Variants in SLC8A1 observed in about 807,000 individuals in gnomAD.
SLC8A1 encodes the protein sodium/calcium exchanger 1.
A neutral mutation model predicts 68.3 loss-of-function variants in SLC8A1; 18 were observed. That is an observed-to-expected ratio of 0.26 (90% CI 0.18 to 0.39). The LOEUF (loss-of-function observed/expected upper bound fraction) is 0.39, where lower values mean the gene tolerates loss of function less well. Ranked by LOEUF, SLC8A1 falls within the 10% of genes least tolerant of loss-of-function variation. SLC8A1 has a pLI of 1.00. For missense variants in SLC8A1, 985 were observed against 1,156.7 expected (o/e 0.85, Z 2.15); for synonymous variants, 475 against 415.5 (o/e 1.14, Z -1.74).
chr2:40,172,457 A>T (rs1252019050), intron 4 of SLC8A1, among the ~76,000 whole-genome samples: 1 of 152,168 alleles, frequency 6.6e-6, no homozygotes, highest in Non-Finnish European at 1.5e-5. Context: ...ACATGAAATG[A>T]TAGAAACCTT....
intron 2 of SLC8A1, among the ~76,000 whole-genome samples, chr2:40,200,169 C>G (rs1221315484): frequency 2.1e-5 from 1 of 47,014 alleles, no homozygotes; most frequent in African/African-American, 9.1e-5. Flanking sequence ...GATTTCAAGT[C>G]ATTGATATAT....
At chr2:40,435,873 T>A (rs577559433) in intron 1 of SLC8A1, among the ~76,000 whole-genome samples, 1 of 152,034 alleles carries the variant, frequency 6.6e-6, no homozygotes, top group Non-Finnish European at 1.5e-5. Context: ...CCTTCTGGAT[T>A]CAAGCAATTC....
At chr2:40,285,665 C>T (rs569589347) in intron 2 of SLC8A1, among the ~76,000 whole-genome samples, 151 of 152,232 alleles carry the variant, frequency 9.9e-4, no homozygotes, top group African/African-American at 3.5e-3. Flanking sequence ...GTTAATTACT[C>T]TCTTGGTGAA....
chr2:40,446,285 A>G (rs1701427794), intron 1 of SLC8A1: 3 of 152,278 alleles, frequency 2.0e-5, no homozygotes. Flanking sequence ...GGTTTCAAGT[A>G]TAAAATGCAT....
At chr2:40,383,833 G>T (rs1234682020) in intron 2 of SLC8A1, among the ~76,000 whole-genome samples, 2 of 152,064 alleles carry the variant, frequency 1.3e-5, no homozygotes, top group East Asian at 3.9e-4. Context: ...ATAATTAATA[G>T]CATCTGTAAA....
intron 7 of SLC8A1, among the ~76,000 whole-genome samples, chr2:40,130,331 C>G (rs566708682): frequency 7.9e-5 from 12 of 152,340 alleles, no homozygotes; most frequent in African/African-American, 2.4e-4. Context: ...GTTTCATTCT[C>G]TCCTCAAAAA....
rs989117531 is a variant in SLC8A1, at chr2:40,128,396, T to C, written c.2437+11005A>G. Among the ~76,000 whole-genome samples, 3 of 152,186 alleles carry C rather than the reference T, an allele frequency of 2.0e-5. No individual in the cohort carries two copies. In the East Asian group the frequency reaches 5.8e-4, roughly 29 times the overall value. Reference sequence around the variant, plus strand: ...GATCATGCACAGAGCCTCTTACCAATAGGCCTTGGTCTCTGTACTCTCTTC... The same window carrying C: ...GATCATGCACAGAGCCTCTTACCAACAGGCCTTGGTCTCTGTACTCTCTTC... On this transcript the variant is annotated intron_variant, in intron 7 of 7. Coordinates refer to ENST00000406785, the Ensembl canonical transcript of SLC8A1.
chr2:40,226,704 G>A (rs1415113626), intron 2 of SLC8A1, among the ~76,000 whole-genome samples: 1 of 152,132 alleles, frequency 6.6e-6, no homozygotes, highest in African/African-American at 2.4e-5. Flanking sequence ...TTTGACTAAT[G>A]TGTACACACT....
intron 1 of SLC8A1, among the ~76,000 whole-genome samples, chr2:40,498,893 A>C (rs1013499442): frequency 2.0e-5 from 3 of 152,098 alleles, no homozygotes; most frequent in African/African-American, 7.2e-5. Context: ...AGAATTACCT[A>C]AAAACTATTT....
At chr2:40,487,289 T>A (rs1035516794) in intron 1 of SLC8A1, among the ~76,000 whole-genome samples, 1 of 152,086 alleles carries the variant, frequency 6.6e-6, no homozygotes, top group Non-Finnish European at 1.5e-5. Flanking sequence ...ATTACTTAGA[T>A]TTTTCTCCTT....
intron 1 of SLC8A1, among the ~76,000 whole-genome samples, chr2:40,462,001 C>CTTTTTTTTTGTTTTTTTTTTTT (rs1703368948): frequency 1.5e-5 from 1 of 66,176 alleles, no homozygotes; most frequent in African/African-American, 6.1e-5. Context: ...TAAAATCCTC[C>CTTTTTTTTTGTTTTTTTTTTTT]TTTTTTTTTT....
chr2:40,200,229 T>TAAATATATATATATAA, intron 2 of SLC8A1, among the ~76,000 whole-genome samples: 1 of 40,106 alleles, frequency 2.5e-5, no homozygotes, highest in Non-Finnish European at 5.5e-5. Flanking sequence ...TTTTTTTATA[T>TAAATATATATATATAA]ATATATATAA....
In SLC8A1 at chr2:40,219,567, C is replaced by T. The variant is rs187150245; in HGVS notation, c.1809-41712G>A. Among the ~76,000 whole-genome samples, 13 of 152,260 alleles carry T rather than the reference C, an allele frequency of 8.5e-5. No homozygotes were observed. The East Asian group carries it at 1.7e-3, about 20-fold the overall frequency. The stretch of plus-strand genomic sequence containing the variant: ...AATATACCCATGTAGTTTCCTTCAG[C>T]GATACTATCTGGTATATAAGAAAAC... On this transcript the variant is annotated intron_variant, in intron 2 of 7. Transcript: ENST00000406785.
At chr2:40,448,769 T>G (rs193258315) in intron 1 of SLC8A1, among the ~76,000 whole-genome samples, 1 of 152,162 alleles carries the variant, frequency 6.6e-6, no homozygotes, top group East Asian at 1.9e-4. Flanking sequence ...GATGAAGGAT[T>G]TAACTACAAG....
chr2:40,483,814 G>A lies in SLC8A1; in HGVS notation c.-25+28535C>T, dbSNP rs114300781. 2.7e-3 allele frequency among the ~76,000 whole-genome samples: 413 copies of A among 152,282 alleles called. 6 individuals are homozygous for A. The highest frequency in any genetic ancestry group is 9.6e-3 in the African/African-American group (398 of 41,546). On this transcript the variant is annotated intron_variant, in intron 1 of 7. Coordinates refer to the SLC8A1 transcript ENST00000402441. ...AACTTGAGCAGCCATCATGGTCCAC[G>A]AGACAGTACACTAAGAATGACAAAA...
At chr2:40,400,144 T>G (rs2149649592) in intron 2 of SLC8A1, among the ~76,000 whole-genome samples, 2 of 152,294 alleles carry the variant, frequency 1.3e-5, no homozygotes, top group African/African-American at 4.8e-5. Context: ...GGGACAGGAA[T>G]TGCTCACTCG....
At chr2:40,297,983 C>T (rs1346463578) in intron 2 of SLC8A1, among the ~76,000 whole-genome samples, 5 of 152,194 alleles carry the variant, frequency 3.3e-5, no homozygotes, top group East Asian at 1.9e-4. Context: ...GCGTTCAAAC[C>T]GTTCTTCTGC....
intron 2 of SLC8A1, among the ~76,000 whole-genome samples, chr2:40,181,900 G>T (rs904902700): frequency 2.0e-5 from 3 of 152,198 alleles, no homozygotes; most frequent in African/African-American, 7.2e-5. Flanking sequence ...CTTCACAGGG[G>T]ATAGTATGGG....
At chr2:40,480,004 C>T (rs1704530747) in intron 1 of SLC8A1, among the ~76,000 whole-genome samples, 1 of 152,022 alleles carries the variant, frequency 6.6e-6, no homozygotes, top group African/African-American at 2.4e-5. Context: ...TCCACAGTGA[C>T]TTGATTTTAC....
Sources: gnomAD v4.1 joint callset for allele counts (sites outside exome capture counted in the v4.1 genomes callset) on GRCh38, gnomAD v4.1.1 for gene constraint, MANE v1.5 for transcripts, NCBI Gene and HGNC (gene_info 2026-07-23, HGNC 2026-07-21) for gene names.